Variants in FOXP2 observed in about 807,000 individuals in gnomAD.
The protein encoded by FOXP2 is forkhead box P2.
FOXP2 carries 12 observed loss-of-function variants against 115.8 expected under a neutral mutation model. The observed-to-expected ratio is 0.10, with a 90% CI of 0.07 to 0.17. The LOEUF is 0.17. Ranked by LOEUF, FOXP2 falls within the 10% of genes least tolerant of loss-of-function variation. FOXP2 has a pLI of 1.00. For synonymous variants in FOXP2, 328 were observed against 297.7 expected (o/e 1.10, Z -1.05); for missense variants, 629 against 843.5 (o/e 0.75, Z 3.15).
intron 1 of FOXP2, among the ~76,000 whole-genome samples, chr7:114,192,887 A>T (rs1205497728): frequency 6.6e-6 from 1 of 152,172 alleles, no homozygotes; most frequent in Non-Finnish European, 1.5e-5. Flanking sequence ...AAATACATAA[A>T]TGAAGAGCTA....
intron 2 of FOXP2, among the ~76,000 whole-genome samples, chr7:114,534,107 C>G (rs1351081129): frequency 6.6e-6 from 1 of 151,788 alleles, no homozygotes; most frequent in Non-Finnish European, 1.5e-5. Flanking sequence ...GAGGTTTCCC[C>G]TTGAATTGTA....
intron 4 of FOXP2, 26 bp downstream of exon 4, chr7:114,628,703 T>C (rs1289566719): frequency 6.2e-7 from 1 of 1,613,608 alleles, no homozygotes; most frequent in Non-Finnish European, 8.5e-7. Flanking sequence ...TGCTTTGGTG[T>C]TCTAGCATGA....
At chr7:114,660,756 G>C (rs1585004117) in intron 13 of FOXP2, among the ~76,000 whole-genome samples, 1 of 152,176 alleles carries the variant, frequency 6.6e-6, no homozygotes, top group South Asian at 2.1e-4. Flanking sequence ...TTATGTTGAA[G>C]ATTTACATTT....
chr7:114,284,618 A>G (rs542049523), intron 1 of FOXP2, among the ~76,000 whole-genome samples: 1 of 152,176 alleles, frequency 6.6e-6, no homozygotes, highest in Non-Finnish European at 1.5e-5. Flanking sequence ...GTGGAAGTGT[A>G]AATTAGTTCA....
At chr7:114,090,972 C>CT (rs903764540) in intron 1 of FOXP2, among the ~76,000 whole-genome samples, 29 of 151,412 alleles carry the variant, frequency 1.9e-4, no homozygotes, top group Admixed American at 1.6e-3. Context: ...AATGCCATCA[C>CT]TTTTTTTTAG....
chr7:114,287,022 A>G (rs1407600030), intron 1 of FOXP2, among the ~76,000 whole-genome samples: 2 of 152,096 alleles, frequency 1.3e-5, no homozygotes, highest in African/African-American at 2.4e-5. Flanking sequence ...CCTATGGCAG[A>G]CATTGCTAAT....
intron 2 of FOXP2, among the ~76,000 whole-genome samples, chr7:114,335,632 A>G (rs1012051719): frequency 6.6e-6 from 1 of 151,896 alleles, no homozygotes; most frequent in African/African-American, 2.4e-5. Flanking sequence ...ATAATATTGA[A>G]AAGTACATGG....
At chr7:114,304,316 A>G (rs1045717550) in intron 2 of FOXP2, among the ~76,000 whole-genome samples, 4 of 152,070 alleles carry the variant, frequency 2.6e-5, no homozygotes, top group Non-Finnish European at 4.4e-5. Context: ...TGAGCAATGC[A>G]GAATAAATAA....
chr7:114,663,765 G>A, intron 15 of FOXP2, among the ~76,000 whole-genome samples: 1 of 152,114 alleles, frequency 6.6e-6, no homozygotes, highest in Non-Finnish European at 1.5e-5. Flanking sequence ...TAGATTGATA[G>A]AAGCTTTTGC....
chr7:114,110,863 A>C (rs1791251014), intron 1 of FOXP2, among the ~76,000 whole-genome samples: 1 of 152,118 alleles, frequency 6.6e-6, no homozygotes, highest in African/African-American at 2.4e-5. Flanking sequence ...AGTAGTGAGC[A>C]TTTGCTGTGG....
intron 3 of FOXP2, among the ~76,000 whole-genome samples, chr7:114,592,861 A>G (rs1180138765): frequency 6.6e-6 from 1 of 151,788 alleles, no homozygotes. Flanking sequence ...ATGAGTTAGC[A>G]CTCTCCTTCA....
chr7:114,271,658 T>G (rs1288497216), intron 1 of FOXP2, among the ~76,000 whole-genome samples: 1 of 119,682 alleles, frequency 8.4e-6, no homozygotes, highest in Non-Finnish European at 1.6e-5. Flanking sequence ...TTATAAATAT[T>G]ATTAAATATA....
At chr7:114,426,404 T>C in intron 1 of FOXP2, 98 bp from the exon 2 acceptor site, 1 of 1,157,394 alleles carries the variant, frequency 8.6e-7, no homozygotes, top group Non-Finnish European at 1.3e-6. Context: ...CCCCCTCTTC[T>C]AAAGATGCTG....
At chr7:114,283,958 A>G (rs1188654059) in intron 1 of FOXP2, among the ~76,000 whole-genome samples, 1 of 152,130 alleles carries the variant, frequency 6.6e-6, no homozygotes, top group African/African-American at 2.4e-5. Context: ...GCAAGACCCT[A>G]TCTAAAAAGA....
rs909226583 is a variant in FOXP2, at chr7:114,646,104, A to G, written c.1094+1315A>G. 2.6e-5 allele frequency among the ~76,000 whole-genome samples: 4 copies of G among 151,668 alleles called. No individual in the cohort carries two copies. In the South Asian group the frequency reaches 8.3e-4, roughly 31 times the overall value. On this transcript the variant is annotated intron_variant, in intron 8 of 16. Transcript: ENST00000350908. ...AAAATTGTTAAAGCAAAGAAAGAAC[A>G]TAGGGATGTTATTTTAACAAATTAT...
At chr7:114,317,982 G>A (rs936515826) in intron 2 of FOXP2, among the ~76,000 whole-genome samples, 2 of 152,060 alleles carry the variant, frequency 1.3e-5, no homozygotes, top group Admixed American at 6.6e-5. Context: ...GCTCCTTGAA[G>A]TTTTTGCTTG....
At chr7:114,121,446 G>GT (rs1425615106) in intron 1 of FOXP2, among the ~76,000 whole-genome samples, 1 of 152,068 alleles carries the variant, frequency 6.6e-6, no homozygotes, top group Admixed American at 6.6e-5. Flanking sequence ...GATAAATTCA[G>GT]TTTTTTACAT....
intron 2 of FOXP2, among the ~76,000 whole-genome samples, chr7:114,384,934 A>T (rs190606342): frequency 6.6e-6 from 1 of 152,162 alleles, no homozygotes; most frequent in Admixed American, 6.5e-5. Context: ...ATTATCAATT[A>T]TAGGTTTTAA....
In FOXP2 at chr7:114,631,557, A is replaced by G. The variant is rs964079039; in HGVS notation, c.627A>G (p.Gln209=). ...EQQQQQQQQQ[Q]LAAQQLVFQQ... ...AGCAGCAGCAGCAGCAGCAACAGCA[A>G]TTGGCAGCCCAGCAGCTTGTCTTCC... Residue 209 remains glutamine, a synonymous_variant, in exon 6 of 17, where the codon CAA becomes CAG. Coordinates refer to ENST00000350908, the MANE Select transcript of FOXP2 (RefSeq NM_014491.4). 8 of 1,590,108 alleles carry G rather than the reference A, an allele frequency of 5.0e-6. No homozygotes were observed. The African/African-American group carries it at 8.1e-5, about 16-fold the overall frequency.
Sources: gnomAD v4.1 joint callset for allele counts (sites outside exome capture counted in the v4.1 genomes callset) on GRCh38, gnomAD v4.1.1 for gene constraint, MANE v1.5 for transcripts, NCBI Gene and HGNC (gene_info 2026-07-23, HGNC 2026-07-21) for gene names.